Variants in CD4 observed in about 807,000 individuals in gnomAD.
CD4 encodes T-cell surface glycoprotein CD4.
Under a neutral mutation model 50.5 loss-of-function variants are expected in CD4, and 25 were observed. The observed-to-expected ratio is 0.49, with a 90% CI of 0.36 to 0.69. The LOEUF is 0.69. CD4 is among the 30% of genes least tolerant of loss of function. The pLI is 0.00. For missense variants in CD4, 456 were observed against 548.5 expected (o/e 0.83, Z 1.68); for synonymous variants, 207 against 221.9 (o/e 0.93, Z 0.60).
chr12:6,818,358 A>G lies in CD4; in HGVS notation c.1157-63A>G. 3.2e-6 allele frequency: 5 copies of G among 1,578,776 alleles called. No individual in the cohort carries two copies. Among genetic ancestry groups the G allele is most frequent in the Non-Finnish European group, 4.3e-6 (5 of 1,160,748 alleles). On this transcript the variant is annotated intron_variant, in intron 7 of 9. Transcript: ENST00000011653. This position sits in a 1 kb window ranked among gnomAD's most constrained non-coding sequence, Gnocchi z 5.0. ...GACTGGCCAGGAGGGATTGCAGGGC[A>G]GTCCTCAGTCCCCTGGCCCGTGGAG...
Position 6,794,775 on chromosome 12 carries a change from G to GTTTTTTTTT in CD4, c.-68+5115_-68+5123dup, listed in dbSNP as rs763211966. The stretch of plus-strand genomic sequence containing the variant: ...ATCTAATCTATCTGTCTGTATGTCT[G>GTTTTTTTTT]TTTTTTTTTTGTTTTTTTTTTTTTT... On this transcript the variant is annotated intron_variant, in intron 1 of 9. Transcript: ENST00000011653. Among the ~76,000 whole-genome samples the GTTTTTTTTT allele has an allele frequency of 3.9e-3, 433 of 112,418 alleles. 19 individuals carry two copies. Among genetic ancestry groups the GTTTTTTTTT allele is most frequent in the South Asian group, 7.3e-3 (20 of 2,734 alleles). 73.8% of individuals were successfully genotyped at this position (112,418 alleles called of 152,430 possible).
At position 6,815,922 on chromosome 12, in the gene CD4, T is replaced by C. The variant is rs1943071009; in HGVS notation, c.608-134T>C. The C allele has an allele frequency of 3.9e-6, 6 of 1,522,500 alleles. No individual in the cohort carries two copies. The South Asian group carries it at 7.4e-5, about 19-fold the overall frequency. 94.3% of individuals were successfully genotyped at this position (1,522,500 alleles called of 1,614,324 possible). Reference sequence around the variant, plus strand: ...GGAGAGGTAGGAAGGAACTGAAGTATCTGAAGTGACAAGGTGGGTGTCTGG... The same window carrying C: ...GGAGAGGTAGGAAGGAACTGAAGTACCTGAAGTGACAAGGTGGGTGTCTGG... On this transcript the variant is annotated intron_variant, in intron 5 of 9. Transcript: ENST00000011653.
intron 5 of CD4, chr12:6,815,624 A>G: frequency 2.3e-6 from 2 of 869,416 alleles, no homozygotes; most frequent in Non-Finnish European, 3.3e-6. Flanking sequence ...GTTAACTGCC[A>G]TAGTGACTAC....
chr12:6,809,679 T>C (rs1942879594), intron 3 of CD4, among the ~76,000 whole-genome samples: 1 of 152,090 alleles, frequency 6.6e-6, no homozygotes, highest in African/African-American at 2.4e-5. Context: ...TCCAAAGCCA[T>C]GCTTTGCACA....
At chr12:6,815,679 G>A in intron 5 of CD4, 1 of 1,277,864 alleles carries the variant, frequency 7.8e-7, no homozygotes, top group Admixed American at 2.3e-5. Flanking sequence ...ACTGAAAATG[G>A]TGCCTGGCAC....
intron 1 of CD4, chr12:6,799,732 C>A (rs995195346): frequency 5.3e-5 from 9 of 170,840 alleles, no homozygotes; most frequent in African/African-American, 2.2e-4. Context: ...CCACCCACCT[C>A]GGCCTCCCAA....
In CD4 at chr12:6,818,036, GCA is replaced by G. The variant is rs1456387233; in HGVS notation, c.1157-380_1157-379del. ...CACACACATTCATACACGCACACAG[GCA>G]CACATTCACACACATGCACACACGC... On this transcript the variant is annotated intron_variant, in intron 7 of 9. Coordinates refer to ENST00000011653, the MANE Select transcript of CD4 (RefSeq NM_000616.5). This position sits in a 1 kb window ranked among gnomAD's most constrained non-coding sequence, Gnocchi z 5.0. 4.8e-5 allele frequency among the ~76,000 whole-genome samples: 7 copies of G among 144,966 alleles called. No individual in the cohort carries two copies. The highest frequency in any genetic ancestry group is 1.5e-5 in the Non-Finnish European group (1 of 65,990).
In CD4 at chr12:6,819,381, C is replaced by T. The variant is rs782576628; in HGVS notation, c.*52C>T. ...GCAGCCTCCCCAGGTGTCTGCCCCG[C>T]GTTTCCTGCCTGCGGACCAGATGAA... On this transcript the variant is annotated 3_prime_UTR_variant, in exon 10 of 10. Transcript: ENST00000011653. 19 of 1,559,634 alleles carry T rather than the reference C, an allele frequency of 1.2e-5. No individual in the cohort carries two copies. Among genetic ancestry groups the T allele is most frequent in the African/African-American group, 6.8e-5 (5 of 73,842 alleles).
chr12:6,809,267 G>A (rs782173203), intron 3 of CD4, among the ~76,000 whole-genome samples: 6 of 152,116 alleles, frequency 3.9e-5, no homozygotes, highest in Admixed American at 1.3e-4. Flanking sequence ...AGGCTGAGGC[G>A]GCTGGATGAC....
intron 3 of CD4, among the ~76,000 whole-genome samples, chr12:6,801,785 C>T (rs1300028449): frequency 1.3e-5 from 2 of 150,750 alleles, no homozygotes; most frequent in Admixed American, 6.6e-5. Flanking sequence ...TGGTCTTGAT[C>T]TCCTGACCTC....
chr12:6,820,183 G>C lies in CD4; in HGVS notation c.*854G>C, dbSNP rs1177910660. ...CAGTGGCTAGTGGTGGGTACTCAAT[G>C]TGTACTTTTGGGTTCACAGAAGCAC... On this transcript the variant is annotated 3_prime_UTR_variant, in exon 10 of 10. Transcript: ENST00000011653. 1 of 152,210 alleles carries C rather than the reference G, an allele frequency of 6.6e-6. No homozygotes were observed. Among genetic ancestry groups the C allele is most frequent in the Non-Finnish European group, 1.5e-5 (1 of 68,042 alleles). The allele number at this position is 152,210 out of a possible 1,614,324, so 9.4% of individuals were successfully genotyped here.
chr12:6,815,854 C>T (rs1366878477), intron 5 of CD4: 1 of 1,509,844 alleles, frequency 6.6e-7, no homozygotes, highest in Non-Finnish European at 8.8e-7. Context: ...AGGGAGGTGG[C>T]CTGCTGTAGG....
chr12:6,795,137 TA>T (rs377223443), intron 1 of CD4, among the ~76,000 whole-genome samples: 1 of 138,542 alleles, frequency 7.2e-6, no homozygotes, highest in Non-Finnish European at 1.6e-5. Flanking sequence ...TCTATCTATC[TA>T]ATCTATCTTT....
At position 6,800,423 on chromosome 12, in the gene CD4, T is replaced by A. The variant is rs782791509; in HGVS notation, c.166T>A (p.Ser56Thr). Reference protein sequence around the residue: ...KKSIQFHWKNSNQIKILGNQG... With the variant: ...KKSIQFHWKNTNQIKILGNQG... The stretch of plus-strand genomic sequence containing the variant: ...GAGCATACAATTCCACTGGAAAAAC[T>A]CCAACCAGATAAAGATTCTGGGAAA... The change falls in exon 3 of 10, where the codon TCC becomes ACC. Residue 56 changes from serine (S) to threonine (T), a missense_variant. Ser to Thr is a moderately conservative substitution (Grantham distance 58). Coordinates refer to ENST00000011653, the MANE Select transcript of CD4 (RefSeq NM_000616.5). The A allele has an allele frequency of 6.2e-7, 1 of 1,614,028 alleles. No homozygotes were observed. The highest frequency in any genetic ancestry group is 1.3e-5 in the African/African-American group (1 of 75,012).
In CD4 at chr12:6,790,722, G is replaced by A. The variant is rs180991589; in HGVS notation, c.-68+1060G>A. On this transcript the variant is annotated intron_variant, in intron 1 of 9. Coordinates refer to ENST00000011653, the MANE Select transcript of CD4 (RefSeq NM_000616.5). ...CCTGAGACCTCATGGCCTTGAAGCC[G>A]TGCTATCCCCAGTGTCCTCTGCTTT... Among the ~76,000 whole-genome samples the A allele has an allele frequency of 1.0e-3, 153 of 152,290 alleles. 1 individual carries two copies. The highest frequency in any genetic ancestry group is 4.6e-3 in the South Asian group (22 of 4,834).
At chr12:6,813,239 T>C (rs1190777338) in intron 3 of CD4, among the ~76,000 whole-genome samples, 1 of 148,124 alleles carries the variant, frequency 6.8e-6, no homozygotes, top group Non-Finnish European at 1.5e-5. Context: ...TTTTTTTTTT[T>C]AGAGATGGGG....
chr12:6,812,180 G>C (rs1438320063), intron 3 of CD4, among the ~76,000 whole-genome samples: 2 of 151,958 alleles, frequency 1.3e-5, no homozygotes, highest in African/African-American at 4.8e-5. Flanking sequence ...TGGGCGGGTT[G>C]CTTGAGGTCA....
chr12:6,812,808 T>TGTG (rs1942977630), intron 3 of CD4, among the ~76,000 whole-genome samples: 1 of 151,314 alleles, frequency 6.6e-6, no homozygotes, highest in Non-Finnish European at 1.5e-5. Context: ...TGTGTGTGTG[T>TGTG]TTTGGGACAG....
intron 3 of CD4, among the ~76,000 whole-genome samples, chr12:6,803,866 C>T (rs1555115759): frequency 6.6e-6 from 1 of 151,676 alleles, no homozygotes. Flanking sequence ...AATCCCAGCA[C>T]TTTGGGAGGC....
Sources: allele counts gnomAD v4.1 joint callset (sites outside exome capture counted in the v4.1 genomes callset), GRCh38; gene constraint gnomAD v4.1.1; non-coding constraint Gnocchi (gnomAD v3.1); transcripts MANE v1.5; gene names NCBI Gene and HGNC (gene_info 2026-07-23, HGNC 2026-07-21).